The following NETO2 variants were observed in gnomAD, a reference collection of about 807,000 sequenced individuals.
NETO2 encodes neuropilin and tolloid-like protein 2.
In NETO2, 28 loss-of-function variants were observed where a neutral mutation model predicts 62.5. The ratio of observed to expected loss-of-function variants is 0.45; its 90% CI spans 0.33 to 0.61. The LOEUF (loss-of-function observed/expected upper bound fraction) is 0.61, where lower values mean the gene tolerates loss of function less well. NETO2 is among the 20% of genes least tolerant of loss of function. The pLI is 0.02. For synonymous variants in NETO2, 214 were observed against 219.1 expected (o/e 0.98, Z 0.21); for missense variants, 548 against 643.2 (o/e 0.85, Z 1.60).
intron 6 of NETO2, 23 bp from the exon 7 acceptor site, chr16:47,109,734 C>T (rs553314634): frequency 6.7e-7 from 1 of 1,499,256 alleles, no homozygotes; most frequent in African/African-American, 1.4e-5. Context: ...CACAAAAACA[C>T]TGCTTTTAAA....
rs112369445 is a variant in NETO2 at position 47,102,523 on chromosome 16, T to G, written c.883+6960A>C. Among the ~76,000 whole-genome samples, 413 of 151,600 alleles carry G rather than the reference T, an allele frequency of 2.7e-3. 5 individuals are homozygous for G. Among genetic ancestry groups the G allele is most frequent in the African/African-American group, 9.5e-3 (393 of 41,366 alleles). ...GGCAACCTACAGAATCGGAGAAAAT[T>G]TTTGCAATCTATCCATCTGACAAAG... is the stretch of plus-strand genomic sequence containing the variant. On this transcript the variant is annotated intron_variant, in intron 7 of 8. Coordinates refer to ENST00000562435, the MANE Select transcript of NETO2 (RefSeq NM_018092.5).
At chr16:47,107,697 G>A (rs1312198859) in intron 7 of NETO2, among the ~76,000 whole-genome samples, 1 of 152,182 alleles carries the variant, frequency 6.6e-6, no homozygotes, top group African/African-American at 2.4e-5. Context: ...TATGTTGAGA[G>A]GACAGAGGAG....
chr16:47,113,476 C>G (rs1963843511), intron 6 of NETO2, among the ~76,000 whole-genome samples: 1 of 151,746 alleles, frequency 6.6e-6, no homozygotes, highest in Non-Finnish European at 1.5e-5. Context: ...TCCTTTGAGT[C>G]TAGCTCATTT....
chr16:47,105,231 T>C (rs1963648419), intron 7 of NETO2, among the ~76,000 whole-genome samples: 1 of 152,028 alleles, frequency 6.6e-6, no homozygotes, highest in South Asian at 2.1e-4. Flanking sequence ...CCAAGACCAT[T>C]CAATAGGAAA....
At chr16:47,102,756 C>T (rs60237214) in intron 7 of NETO2, among the ~76,000 whole-genome samples, 14,047 of 152,170 alleles carry the variant, frequency 0.092, 1,208 homozygotes, top group African/African-American at 0.23. Flanking sequence ...CATCTCACAC[C>T]AGTTAGAATG....
chr16:47,108,685 A>G (rs1963723142), intron 7 of NETO2, among the ~76,000 whole-genome samples: 1 of 152,198 alleles, frequency 6.6e-6, no homozygotes, highest in South Asian at 2.1e-4. Context: ...CTTGACAACT[A>G]AAAGCAATGT....
intron 7 of NETO2, among the ~76,000 whole-genome samples, chr16:47,095,325 G>T (rs998946019): frequency 4.6e-5 from 7 of 152,046 alleles, no homozygotes; most frequent in African/African-American, 1.7e-4. Context: ...TAGACACACA[G>T]AAAACAAGTA....
At position 47,080,163 on chromosome 16, in the gene NETO2, A is replaced by G. The variant is rs545906585; in HGVS notation, c.*3058T>C. 4 of 152,362 alleles carry G rather than the reference A, an allele frequency of 2.6e-5. No individual in the cohort carries two copies. Among genetic ancestry groups the G allele is most frequent in the Non-Finnish European group, 5.9e-5 (4 of 68,036 alleles). 9.4% of individuals were successfully genotyped at this position (152,362 alleles called of 1,614,324 possible). A position where few individuals can be genotyped will look rare whatever the true frequency, so the allele number is the denominator to read the frequency against. On this transcript the variant is annotated 3_prime_UTR_variant, in exon 9 of 9. Transcript: ENST00000562435. ...GACACTCTCCCCACACACAAAAGGA[A>G]TATCACATCTTATTCCTACATGCTT...
At chr16:47,142,419 A>C (rs1177097415) in intron 1 of NETO2, among the ~76,000 whole-genome samples, 1 of 152,236 alleles carries the variant, frequency 6.6e-6, no homozygotes, top group African/African-American at 2.4e-5. Flanking sequence ...GTCCAATTAA[A>C]ATCAAAAGCA....
chr16:47,137,102 G>T (rs1258138580), intron 1 of NETO2, among the ~76,000 whole-genome samples: 2 of 152,068 alleles, frequency 1.3e-5, no homozygotes, highest in Admixed American at 1.3e-4. Flanking sequence ...ATTACAAACT[G>T]GCACAACTTT....
At chr16:47,122,488 T>C (rs1964061380) in intron 6 of NETO2, among the ~76,000 whole-genome samples, 169 bp downstream of exon 6, 1 of 152,240 alleles carries the variant, frequency 6.6e-6, no homozygotes, top group African/African-American at 2.4e-5. Flanking sequence ...ATAATAATGC[T>C]GGGATCTTAG....
chr16:47,118,415 C>T (rs2143943433), intron 6 of NETO2, among the ~76,000 whole-genome samples: 1 of 152,340 alleles, frequency 6.6e-6, no homozygotes, highest in Middle Eastern at 3.4e-3. Flanking sequence ...AAGACTTCTT[C>T]ATATTCTCCA....
chr16:47,097,571 G>C (rs1025230095), intron 7 of NETO2, among the ~76,000 whole-genome samples: 8 of 152,226 alleles, frequency 5.3e-5, no homozygotes, highest in Non-Finnish European at 1.0e-4. Context: ...AGAGCACCTG[G>C]GGGAAGGGGC....
chr16:47,128,686 G>T, intron 3 of NETO2, 113 bp from the exon 4 acceptor site: 2 of 1,147,094 alleles, frequency 1.7e-6, no homozygotes, highest in Non-Finnish European at 2.5e-6. Context: ...CATAGACAAA[G>T]GTCTTAGTGA....
chr16:47,083,394 G>T lies in NETO2; in HGVS notation c.1405C>A (p.Gln469Lys). Reference protein sequence around the residue: ...LPFRNDFAQPQPMKTFNSTFK... With the variant: ...LPFRNDFAQPKPMKTFNSTFK... ...GTGCTATTAAATGTTTTCATTGGCT[G>T]TGGTTGTGCAAAGTCATTTCGGAAA... is the stretch of plus-strand genomic sequence containing the variant. The change falls in exon 9 of 9, where the codon CAG becomes AAG. Residue 469 changes from glutamine to lysine, a missense_variant. Physicochemically the swap from Gln to Lys is moderately conservative, Grantham distance 53. Transcript: ENST00000562435. 1.2e-6 allele frequency: 2 copies of T among 1,614,214 alleles called. No individual in the cohort carries two copies. The highest frequency in any genetic ancestry group is 8.5e-7 in the Non-Finnish European group (1 of 1,180,040).
chr16:47,131,155 A>G (rs1157670518), intron 2 of NETO2, among the ~76,000 whole-genome samples: 1 of 152,210 alleles, frequency 6.6e-6, no homozygotes, highest in Non-Finnish European at 1.5e-5. Flanking sequence ...TGAGTTAACC[A>G]GAATTATGAC....
At position 47,083,152 on chromosome 16, in the gene NETO2, A is replaced by G; in HGVS notation, c.*69T>C. ...ATGGGAGAAAAGGGTTGGCTGCTGG[A>G]AACAGTATGGTGCCCTGGAGGCTGC... is the stretch of plus-strand genomic sequence containing the variant. On this transcript the variant is annotated 3_prime_UTR_variant, in exon 9 of 9. Coordinates refer to ENST00000562435, the MANE Select transcript of NETO2 (RefSeq NM_018092.5). 1 of 1,395,008 alleles carries G rather than the reference A, an allele frequency of 7.2e-7. No homozygotes were observed. The highest frequency in any genetic ancestry group is 1.4e-5 in the South Asian group (1 of 72,580). The allele number at this position is 1,395,008 out of a possible 1,614,324, so 86.4% of individuals were successfully genotyped here. A position where few individuals can be genotyped will look rare whatever the true frequency, so the allele number is the denominator to read the frequency against.
intron 4 of NETO2, among the ~76,000 whole-genome samples, chr16:47,123,660 G>A (rs1041200425): frequency 1.3e-5 from 2 of 152,072 alleles, no homozygotes; most frequent in African/African-American, 4.8e-5. Flanking sequence ...AAAAATTGCT[G>A]GGTTGTCTAA....
chr16:47,090,453 A>T (rs1303710520), intron 7 of NETO2, among the ~76,000 whole-genome samples: 1 of 152,244 alleles, frequency 6.6e-6, no homozygotes, highest in South Asian at 2.1e-4. Flanking sequence ...TGATTGAACT[A>T]TAAGTCTTTA....
Sources: gnomAD v4.1 joint callset for allele counts (sites outside exome capture counted in the v4.1 genomes callset) on GRCh38, gnomAD v4.1.1 for gene constraint, MANE v1.5 for transcripts, NCBI Gene and HGNC (gene_info 2026-07-23, HGNC 2026-07-21) for gene names.